The following CSMD1 variants were observed in gnomAD, a reference collection of about 807,000 sequenced individuals.
The protein encoded by CSMD1 is CUB and sushi domain-containing protein 1.
A neutral mutation model predicts 417.5 loss-of-function variants in CSMD1; 213 were observed. The ratio of observed to expected loss-of-function variants is 0.51; its 90% confidence interval spans 0.46 to 0.57. CSMD1 has a LOEUF of 0.57. Ranked by LOEUF, CSMD1 falls within the 20% of genes least tolerant of loss-of-function variation. CSMD1 has a pLI of 0.00. For synonymous variants in CSMD1, 2,862 were observed against 1,736.8 expected (o/e 1.65, Z -16.11); for missense variants, 6,923 against 4,529.7 (o/e 1.53, Z -15.17).
chr8:3,796,452 T>C (rs1428079198), intron 5 of CSMD1, among the ~76,000 whole-genome samples: 2 of 138,304 alleles, frequency 1.4e-5, no homozygotes, highest in African/African-American at 5.2e-5. Flanking sequence ...CGTGTATAGA[T>C]ATAGATATCT....
At chr8:4,393,470 G>C (rs1275938354) in intron 3 of CSMD1, among the ~76,000 whole-genome samples, 1 of 152,190 alleles carries the variant, frequency 6.6e-6, no homozygotes, top group Non-Finnish European at 1.5e-5. Flanking sequence ...GCATGATTAT[G>C]TTGAGATGGC....
At chr8:4,874,854 T>A (rs112386555) in intron 1 of CSMD1, among the ~76,000 whole-genome samples, 1 of 148,990 alleles carries the variant, frequency 6.7e-6, no homozygotes, top group Non-Finnish European at 1.5e-5. Context: ...TATATAATAT[T>A]AAATATAGTA....
intron 4 of CSMD1, among the ~76,000 whole-genome samples, chr8:4,021,688 C>T (rs554963047): frequency 3.9e-5 from 6 of 152,290 alleles, no homozygotes; most frequent in African/African-American, 4.8e-5. Flanking sequence ...GAAACTTGTT[C>T]GGAGTGACTA....
At chr8:3,778,231 G>C (rs1413715880) in intron 5 of CSMD1, among the ~76,000 whole-genome samples, 1 of 148,324 alleles carries the variant, frequency 6.7e-6, no homozygotes, top group Non-Finnish European at 1.5e-5. Flanking sequence ...CTGTGGAACT[G>C]ACTATTTTCT....
At chr8:3,951,606 T>C (rs1228659092) in intron 5 of CSMD1, among the ~76,000 whole-genome samples, 1 of 152,170 alleles carries the variant, frequency 6.6e-6, no homozygotes, top group Non-Finnish European at 1.5e-5. Flanking sequence ...GAAATACTAC[T>C]ACTCTAGGAA....
intron 1 of CSMD1, among the ~76,000 whole-genome samples, chr8:4,941,627 C>T (rs1375794559): frequency 6.6e-6 from 1 of 151,442 alleles, no homozygotes. Flanking sequence ...GAGACAGAGC[C>T]TTGCACTGTC....
intron 3 of CSMD1, among the ~76,000 whole-genome samples, chr8:4,160,475 T>C (rs1238835567): frequency 6.6e-6 from 1 of 152,172 alleles, no homozygotes; most frequent in Non-Finnish European, 1.5e-5. Flanking sequence ...GTCATGTGTC[T>C]TCATGAGGTC....
chr8:3,323,151 G>C (rs145100557), intron 23 of CSMD1, among the ~76,000 whole-genome samples: 103 of 152,210 alleles, frequency 6.8e-4, no homozygotes, highest in Non-Finnish European at 1.4e-3. Context: ...TTAGTAGGTT[G>C]TATGATGTCC....
intron 11 of CSMD1, among the ~76,000 whole-genome samples, chr8:3,480,176 C>A (rs531258872): frequency 6.6e-6 from 1 of 151,738 alleles, no homozygotes; most frequent in African/African-American, 2.4e-5. Flanking sequence ...CTGGGCAACA[C>A]GGTGAAACCC....
chr8:4,314,098 T>G (rs1186868136), intron 3 of CSMD1, among the ~76,000 whole-genome samples: 2 of 151,890 alleles, frequency 1.3e-5, no homozygotes, highest in Non-Finnish European at 2.9e-5. Context: ...AGATGGGGGA[T>G]TCAACACTGA....
chr8:4,946,275 G>C (rs1172239421), intron 1 of CSMD1, among the ~76,000 whole-genome samples: 2 of 152,170 alleles, frequency 1.3e-5, no homozygotes, highest in Non-Finnish European at 2.9e-5. Flanking sequence ...GTGAGATGAA[G>C]AAAGCTTTTT....
chr8:3,534,260 C>G (rs995189684), intron 10 of CSMD1, among the ~76,000 whole-genome samples: 2 of 152,166 alleles, frequency 1.3e-5, no homozygotes, highest in Non-Finnish European at 2.9e-5. Context: ...ATCTAACTCA[C>G]TTATTAATCT....
At chr8:4,172,506 G>C (rs74353258) in intron 3 of CSMD1, among the ~76,000 whole-genome samples, 1 of 151,870 alleles carries the variant, frequency 6.6e-6, no homozygotes, top group Non-Finnish European at 1.5e-5. Flanking sequence ...AAAACTGAAG[G>C]ATCAACAATA....
intron 7 of CSMD1, among the ~76,000 whole-genome samples, chr8:3,628,304 A>T (rs532646423): frequency 1.3e-5 from 2 of 152,258 alleles, no homozygotes; most frequent in Non-Finnish European, 2.9e-5. Context: ...GTTGCAGCCC[A>T]TGCACACTTC....
At chr8:3,812,141 T>C (rs942291567) in intron 5 of CSMD1, among the ~76,000 whole-genome samples, 1 of 152,214 alleles carries the variant, frequency 6.6e-6, no homozygotes, top group African/African-American at 2.4e-5. Flanking sequence ...TGTATTCATA[T>C]TCACATGACA....
chr8:3,281,956 G>A (rs564072080), intron 26 of CSMD1, among the ~76,000 whole-genome samples: 10 of 152,146 alleles, frequency 6.6e-5, no homozygotes, highest in Non-Finnish European at 1.0e-4. Context: ...AGCACCTTCC[G>A]CTTCACTCTG....
At chr8:3,310,513 C>T (rs62504436) in intron 23 of CSMD1, among the ~76,000 whole-genome samples, 12,607 of 152,198 alleles carry the variant, frequency 0.083, 665 homozygotes, top group Non-Finnish European at 0.12. Flanking sequence ...AACAATCTTC[C>T]AAAATCTTGC....
chr8:3,555,454 C>T (rs1291003272), intron 10 of CSMD1, among the ~76,000 whole-genome samples: 1 of 152,136 alleles, frequency 6.6e-6, no homozygotes. Flanking sequence ...GTGGCCCTGG[C>T]AGGTCAGAAG....
chr8:3,302,421 T>A (rs1013286146), intron 25 of CSMD1, among the ~76,000 whole-genome samples: 1 of 152,196 alleles, frequency 6.6e-6, no homozygotes, highest in African/African-American at 2.4e-5. Context: ...CGCACAGCAG[T>A]GGCAATGTTC....
Sources: allele counts gnomAD v4.1 joint callset (sites outside exome capture counted in the v4.1 genomes callset), GRCh38; gene constraint gnomAD v4.1.1; transcripts MANE v1.5; gene names NCBI Gene and HGNC (gene_info 2026-07-23, HGNC 2026-07-21).